LDLRAD4: variants seen among roughly 807,000 people sequenced by gnomAD.
The protein encoded by LDLRAD4 is low-density lipoprotein receptor class A domain-containing protein 4.
In LDLRAD4, 5 loss-of-function variants were observed where a neutral mutation model predicts 17.0. The observed-to-expected ratio is 0.29, with a 90% confidence interval of 0.15 to 0.62. The LOEUF (loss-of-function observed/expected upper bound fraction) is 0.62, where lower values mean the gene tolerates loss of function less well. Ranked by LOEUF, LDLRAD4 falls within the 20% of genes least tolerant of loss-of-function variation. LDLRAD4 has a pLI of 0.84. For synonymous variants in LDLRAD4, 168 were observed against 171.8 expected, an observed-to-expected ratio of 0.98 and a Z score of 0.17; for missense variants, 340 against 424.7, an observed-to-expected ratio of 0.80 and a Z score of 1.75.
intron 4 of LDLRAD4, among the ~76,000 whole-genome samples, chr18:13,639,204 G>T (rs1358360808): frequency 6.6e-6 from 1 of 152,212 alleles, no homozygotes; most frequent in Non-Finnish European, 1.5e-5. Context: ...GCCCCATAAT[G>T]AGTATGCGGG....
Position 13,435,645 on chromosome 18 carries a change from G to A in LDLRAD4, c.41-2599G>A, listed in dbSNP as rs192334656. Reference sequence around the variant, plus strand: ...AACTTTTTTGTAGAGACAGGGTCTCGCTTTGTTGCCCAGGCTGCTCTAGAA... The same window carrying A: ...AACTTTTTTGTAGAGACAGGGTCTCACTTTGTTGCCCAGGCTGCTCTAGAA... On this transcript the variant is annotated intron_variant, in intron 2 of 5. Coordinates refer to ENST00000359446, the Ensembl canonical transcript of LDLRAD4. 7.2e-3 allele frequency among the ~76,000 whole-genome samples: 1,094 copies of A among 152,188 alleles called. 4 individuals carry two copies. Among genetic ancestry groups the A allele is most frequent in the Middle Eastern group, 0.034 (10 of 294 alleles).
chr18:13,370,982 T>C (rs2084459744), intron 1 of LDLRAD4, among the ~76,000 whole-genome samples: 1 of 152,132 alleles, frequency 6.6e-6, no homozygotes, highest in East Asian at 1.9e-4. Flanking sequence ...GTGCTGGGTT[T>C]ATAGGCATGA....
chr18:13,354,885 C>T (rs2083247906), intron 1 of LDLRAD4, among the ~76,000 whole-genome samples: 1 of 152,092 alleles, frequency 6.6e-6, no homozygotes, highest in Non-Finnish European at 1.5e-5. Context: ...ACCTTGTGCC[C>T]CAGGGCTGTC....
intron 1 of LDLRAD4, among the ~76,000 whole-genome samples, chr18:13,247,002 A>G (rs1347936200): frequency 1.3e-5 from 2 of 151,412 alleles, no homozygotes; most frequent in Admixed American, 6.6e-5. Flanking sequence ...AGACACAGTG[A>G]TGGTGGGCTA....
intron 1 of LDLRAD4, among the ~76,000 whole-genome samples, chr18:13,322,461 A>G (rs6505803): frequency 0.43 from 64,627 of 150,998 alleles, 14,798 homozygotes; most frequent in African/African-American, 0.61. Flanking sequence ...CACGACGCCC[A>G]GCTAATTTTT....
chr18:13,502,709 C>T (rs879635552), intron 3 of LDLRAD4, among the ~76,000 whole-genome samples: 1 of 152,226 alleles, frequency 6.6e-6, no homozygotes, highest in Non-Finnish European at 1.5e-5. Context: ...AGGAACCCCA[C>T]TGGGAGGACT....
At chr18:13,347,727 G>T (rs1308387356) in intron 1 of LDLRAD4, among the ~76,000 whole-genome samples, 2 of 152,120 alleles carry the variant, frequency 1.3e-5, no homozygotes, top group African/African-American at 4.8e-5. Flanking sequence ...CGTAGATTTG[G>T]TCTTTTCACA....
At chr18:13,612,743 G>A in intron 3 of LDLRAD4, 1 of 1,613,880 alleles carries the variant, frequency 6.2e-7, no homozygotes, top group Non-Finnish European at 8.5e-7. Context: ...CACTGAAGGA[G>A]GCTCAGTTCA....
chr18:13,598,863 C>T (rs1295106242), intron 3 of LDLRAD4, among the ~76,000 whole-genome samples: 2 of 152,168 alleles, frequency 1.3e-5, no homozygotes, highest in African/African-American at 4.8e-5. Context: ...ACTTTATGGG[C>T]AGGATGGGCA....
At chr18:13,343,459 C>T (rs572487379) in intron 1 of LDLRAD4, among the ~76,000 whole-genome samples, 3 of 152,194 alleles carry the variant, frequency 2.0e-5, no homozygotes, top group Non-Finnish European at 4.4e-5. Context: ...ATATGTGCCA[C>T]ATTTTCTTAA....
chr18:13,242,554 T>C (rs190144822), intron 1 of LDLRAD4, among the ~76,000 whole-genome samples: 2 of 152,188 alleles, frequency 1.3e-5, no homozygotes, highest in African/African-American at 4.8e-5. Flanking sequence ...TAAAATCCCA[T>C]GTAGTCTGTA....
chr18:13,542,039 G>A lies in LDLRAD4; in HGVS notation c.182-79078G>A, dbSNP rs570140038. On this transcript the variant is annotated intron_variant, in intron 3 of 5. Coordinates refer to ENST00000359446, the Ensembl canonical transcript of LDLRAD4. Reference sequence around the variant, plus strand: ...TGCAGTGAGCTGTGATCATGCCACCGCACTCCAGCCCTGGCAACAGAGTAA... The same window carrying A: ...TGCAGTGAGCTGTGATCATGCCACCACACTCCAGCCCTGGCAACAGAGTAA... Among the ~76,000 whole-genome samples the A allele has an allele frequency of 1.1e-4, 16 of 152,220 alleles. No individual in the cohort carries two copies. The South Asian group carries it at 2.9e-3, about 28-fold the overall frequency.
At position 13,398,479 on chromosome 18, in the gene LDLRAD4, T is replaced by C. The variant is rs1301074311; in HGVS notation, c.40+10717T>C. On this transcript the variant is annotated intron_variant, in intron 2 of 5. Coordinates refer to ENST00000359446, the Ensembl canonical transcript of LDLRAD4. The surrounding 1 kb of genome is among the most constrained non-coding windows in gnomAD (Gnocchi z 4.8). Reference sequence around the variant, plus strand: ...AAAAAAGAAAATTGCTGAAATACCATTGAGCTTATCAGAAGAGCTCAGATT... The same window carrying C: ...AAAAAAGAAAATTGCTGAAATACCACTGAGCTTATCAGAAGAGCTCAGATT... 6.6e-6 allele frequency among the ~76,000 whole-genome samples: 1 copy of C among 152,102 alleles called. No individual in the cohort carries two copies. Among genetic ancestry groups the C allele is most frequent in the Admixed American group, 6.5e-5 (1 of 15,276 alleles).
rs551395418 is a variant in LDLRAD4, at chr18:13,615,925, A to C, written c.182-5192A>C. On this transcript the variant is annotated intron_variant, in intron 3 of 5. Coordinates refer to ENST00000359446, the Ensembl canonical transcript of LDLRAD4. ...AACTCAACCAGTGGTCTGTGTTCAG[A>C]ATCCGTGTTAGGCGTGTAGCATCTT... 8.1e-5 allele frequency: 4 copies of C among 49,120 alleles called. No homozygotes were observed. In the South Asian group the frequency reaches 3.9e-3, roughly 48 times the overall value. 3.0% of individuals were successfully genotyped at this position (49,120 alleles called of 1,614,324 possible).
At chr18:13,541,933 G>C (rs2094289623) in intron 3 of LDLRAD4, among the ~76,000 whole-genome samples, 1 of 152,138 alleles carries the variant, frequency 6.6e-6, no homozygotes, top group Non-Finnish European at 1.5e-5. Flanking sequence ...AAAATTAGTG[G>C]GGTGTGGTGG....
intron 2 of LDLRAD4, among the ~76,000 whole-genome samples, chr18:13,397,439 T>C (rs2086795501): frequency 6.6e-6 from 1 of 152,228 alleles, no homozygotes; most frequent in Non-Finnish European, 1.5e-5. Flanking sequence ...AAAACTTTAA[T>C]GCCCTTTTGC....
At chr18:13,463,835 C>CT (rs2092525857) in intron 3 of LDLRAD4, among the ~76,000 whole-genome samples, 1 of 152,158 alleles carries the variant, frequency 6.6e-6, no homozygotes, top group African/African-American at 2.4e-5. Flanking sequence ...CCCAAGATTG[C>CT]TTTTTAAAAA....
chr18:13,260,314 C>T (rs773017884), intron 1 of LDLRAD4, among the ~76,000 whole-genome samples: 1 of 152,204 alleles, frequency 6.6e-6, no homozygotes. Flanking sequence ...TCACTGCTGG[C>T]TGGTGTCTGT....
At chr18:13,381,231 C>T (rs1203938129) in intron 1 of LDLRAD4, among the ~76,000 whole-genome samples, 2 of 152,042 alleles carry the variant, frequency 1.3e-5, no homozygotes, top group Non-Finnish European at 2.9e-5. Flanking sequence ...CCATGCCCAG[C>T]TAATTTTTAT....
Sources: allele counts gnomAD v4.1 joint callset (sites outside exome capture counted in the v4.1 genomes callset), GRCh38; gene constraint gnomAD v4.1.1; non-coding constraint Gnocchi (gnomAD v3.1); transcripts MANE v1.5; gene names NCBI Gene and HGNC (gene_info 2026-07-23, HGNC 2026-07-21).